CRACDL: variants seen among roughly 807,000 people sequenced by gnomAD.
CRACDL encodes CRACD-like protein.
Under a neutral mutation model 70.6 loss-of-function variants are expected in CRACDL, and 26 were observed. The observed-to-expected ratio is 0.37, with a 90% CI of 0.27 to 0.51. CRACDL has a LOEUF of 0.51. Ranked by LOEUF, CRACDL falls within the 20% of genes least tolerant of loss-of-function variation. The pLI, the probability that CRACDL is intolerant of heterozygous loss-of-function variation, is 0.94. For synonymous variants in CRACDL, 618 were observed against 615.2 expected, an observed-to-expected ratio of 1.00 and a Z score of -0.07; for missense variants, 1,283 against 1,376.9, an observed-to-expected ratio of 0.93 and a Z score of 1.08.
intron 7 of CRACDL, 101 bp from the exon 8 acceptor site, chr2:98,797,638 G>T (rs923078297): frequency 3.6e-6 from 4 of 1,103,382 alleles, no homozygotes; most frequent in African/African-American, 1.6e-5. Context: ...TTGGTTCAGG[G>T]TTGCAGGGTG....
In CRACDL at chr2:98,807,314, A is replaced by T. The variant is rs139393573; in HGVS notation, c.2417-9777T>A. Among the ~76,000 whole-genome samples, 14 of 152,310 alleles carry T rather than the reference A, an allele frequency of 9.2e-5. No homozygotes were observed. In the East Asian group the frequency reaches 2.7e-3, roughly 29 times the overall value. ...ACTTCCTCCCCATTTTAACTTATTC[A>T]TTGAGTGGCAAACAACAGTTACTCA... On this transcript the variant is annotated intron_variant, in intron 7 of 9. Coordinates refer to ENST00000397899, the MANE Select transcript of CRACDL (RefSeq NM_207362.3).
intron 1 of CRACDL, among the ~76,000 whole-genome samples, chr2:98,923,355 T>A (rs1452075140): frequency 1.3e-5 from 2 of 152,134 alleles, no homozygotes; most frequent in Admixed American, 1.3e-4. Flanking sequence ...ATATTATTTT[T>A]AAAAATTCAT....
At chr2:98,921,845 T>C (rs59416430) in intron 1 of CRACDL, among the ~76,000 whole-genome samples, 5,750 of 152,216 alleles carry the variant, frequency 0.038, 361 homozygotes, top group African/African-American at 0.13. Flanking sequence ...GAGTCATTCC[T>C]GCCTCTGTGA....
chr2:98,856,173 T>G (rs1043503867), intron 1 of CRACDL, among the ~76,000 whole-genome samples: 1 of 151,014 alleles, frequency 6.6e-6, no homozygotes, highest in African/African-American at 2.4e-5. Flanking sequence ...AGACACAGAG[T>G]GAAAATGTGA....
At chr2:98,796,295 T>G in intron 8 of CRACDL, 31 bp from the exon 9 acceptor site, 1 of 1,603,634 alleles carries the variant, frequency 6.2e-7, no homozygotes, top group Non-Finnish European at 8.5e-7. Context: ...TGCTGCCAAG[T>G]TAACAATGAT....
chr2:98,821,826 T>C (rs367789387), intron 7 of CRACDL, 31 bp downstream of exon 7: 5 of 1,603,864 alleles, frequency 3.1e-6, no homozygotes, highest in Admixed American at 1.7e-5. Context: ...CCCCAGGCCC[T>C]GCCCTTCCCG....
At chr2:98,867,358 C>CTCTATAT (rs1707187864) in intron 1 of CRACDL, among the ~76,000 whole-genome samples, 1 of 152,192 alleles carries the variant, frequency 6.6e-6, no homozygotes, top group East Asian at 1.9e-4. Context: ...TATATGCACA[C>CTCTATAT]ATGAGCCTAT....
At chr2:98,854,919 T>C (rs575500096) in intron 1 of CRACDL, among the ~76,000 whole-genome samples, 1 of 152,358 alleles carries the variant, frequency 6.6e-6, no homozygotes, top group South Asian at 2.1e-4. Context: ...AAGTTACATA[T>C]GGACTGTGGA....
chr2:98,892,698 A>C (rs538066781), intron 1 of CRACDL, among the ~76,000 whole-genome samples: 40 of 152,306 alleles, frequency 2.6e-4, no homozygotes, highest in Middle Eastern at 6.8e-3. Flanking sequence ...TCAAAAAAAA[A>C]AGAAATAAAA....
chr2:98,899,907 G>A (rs1708223296), intron 1 of CRACDL, among the ~76,000 whole-genome samples: 1 of 143,698 alleles, frequency 7.0e-6, no homozygotes, highest in Non-Finnish European at 1.5e-5. Flanking sequence ...AGGCTCAGCA[G>A]GAGGGGAGGC....
intron 1 of CRACDL, among the ~76,000 whole-genome samples, chr2:98,934,719 C>A (rs920706292): frequency 6.6e-6 from 1 of 152,190 alleles, no homozygotes; most frequent in African/African-American, 2.4e-5. Flanking sequence ...CAGGTACTCA[C>A]TACAGGCACA....
At chr2:98,854,987 A>T (rs1256415933) in intron 1 of CRACDL, among the ~76,000 whole-genome samples, 1 of 152,226 alleles carries the variant, frequency 6.6e-6, no homozygotes, top group Non-Finnish European at 1.5e-5. Context: ...TGTAACTATG[A>T]TTATTAAAAA....
At chr2:98,905,906 C>A (rs1191127430) in intron 1 of CRACDL, among the ~76,000 whole-genome samples, 2 of 152,004 alleles carry the variant, frequency 1.3e-5, no homozygotes, top group African/African-American at 2.4e-5. Context: ...CGTGAGTCAC[C>A]ATGCCCGGCC....
At chr2:98,891,376 C>CAAAAGAAAAAAAAA (rs1707973948) in intron 1 of CRACDL, among the ~76,000 whole-genome samples, 1 of 37,900 alleles carries the variant, frequency 2.6e-5, no homozygotes, top group Admixed American at 2.8e-4. Flanking sequence ...GACTCCGTCT[C>CAAAAGAAAAAAAAA]AAAAAAAAAA....
At chr2:98,832,712 T>G (rs1279570111) in intron 4 of CRACDL, 150 bp downstream of exon 4, 1 of 1,100,590 alleles carries the variant, frequency 9.1e-7, no homozygotes, top group South Asian at 1.4e-5. Flanking sequence ...GAGATCCCAC[T>G]GCAGCTCATT....
chr2:98,903,871 C>T (rs1416248849), intron 1 of CRACDL, among the ~76,000 whole-genome samples: 1 of 152,206 alleles, frequency 6.6e-6, no homozygotes, highest in Non-Finnish European at 1.5e-5. Flanking sequence ...TGAGTGTGGT[C>T]CTGTGATTAA....
chr2:98,889,718 C>T (rs954190721), intron 1 of CRACDL, among the ~76,000 whole-genome samples: 2 of 152,188 alleles, frequency 1.3e-5, no homozygotes. Context: ...ACATTCTTCT[C>T]AAAGGCACAT....
At chr2:98,838,822 A>G (rs984212259) in intron 2 of CRACDL, among the ~76,000 whole-genome samples, 2 of 152,202 alleles carry the variant, frequency 1.3e-5, no homozygotes, top group African/African-American at 2.4e-5. Flanking sequence ...GAGAAAAACA[A>G]TGAGACTGGT....
intron 1 of CRACDL, among the ~76,000 whole-genome samples, chr2:98,913,474 C>G (rs1708592226): frequency 6.6e-6 from 1 of 152,100 alleles, no homozygotes; most frequent in Non-Finnish European, 1.5e-5. Context: ...GAGTACAAGA[C>G]TGGAGCCTGT....
Sources: allele counts gnomAD v4.1 joint callset (sites outside exome capture counted in the v4.1 genomes callset), GRCh38; gene constraint gnomAD v4.1.1; transcripts MANE v1.5; gene names NCBI Gene and HGNC (gene_info 2026-07-23, HGNC 2026-07-21).